The following TRPM7 variants were observed in gnomAD, a reference collection of about 807,000 sequenced individuals.
TRPM7 encodes the protein LTRPC ion channel family member 7.
TRPM7 carries 134 observed loss-of-function variants against 229.7 expected under a neutral mutation model. The observed-to-expected ratio is 0.58, with a 90% confidence interval of 0.51 to 0.67. The LOEUF (loss-of-function observed/expected upper bound fraction) is 0.67. Among genes scored for constraint, TRPM7 ranks in the 30% least tolerant of loss-of-function variants. The pLI, the probability that TRPM7 is intolerant of heterozygous loss-of-function variation, is 0.00. For missense variants in TRPM7, 1,901 were observed against 2,210.0 expected, an observed-to-expected ratio of 0.86 and a Z score of 2.80; for synonymous variants, 699 against 715.2, an observed-to-expected ratio of 0.98 and a Z score of 0.36.
In TRPM7 at chr15:50,609,581, C is replaced by A; in HGVS notation, c.2580G>T (p.Thr860=). The A allele has an allele frequency of 6.3e-7, 1 of 1,595,644 alleles. No individual in the cohort carries two copies. The highest frequency in any genetic ancestry group is 1.2e-5 in the South Asian group (1 of 86,694). The change falls in exon 19 of 39, where the codon ACG becomes ACT. Residue 860 remains threonine, a splice_region_variant and synonymous_variant. Transcript: ENST00000646667. ...ATGCTTGTGTAATTTAAAAACATAC[C>A]GTGTTAAACCAGAATTTTACAATTG... is the stretch of plus-strand genomic sequence containing the variant. The part of the protein sequence containing the change: ...HAPIVKFWFN[T]LAYLGFLMLY...
chr15:50,678,018 T>A (rs1195308050), intron 1 of TRPM7, among the ~76,000 whole-genome samples: 5 of 151,240 alleles, frequency 3.3e-5, no homozygotes, highest in African/African-American at 1.2e-4. Context: ...GGCGGGCGGA[T>A]CACGAGGTCA....
intron 5 of TRPM7, among the ~76,000 whole-genome samples, chr15:50,641,678 C>T (rs1411786575): frequency 1.3e-5 from 2 of 152,120 alleles, no homozygotes; most frequent in African/African-American, 4.8e-5. Flanking sequence ...TTAGCAGCCT[C>T]AAAAACTTCT....
intron 3 of TRPM7, among the ~76,000 whole-genome samples, chr15:50,655,454 AAC>A (rs1567093991): frequency 1.4e-5 from 2 of 144,264 alleles, no homozygotes; most frequent in Non-Finnish European, 1.6e-5. Flanking sequence ...AAAACAAAAA[AAC>A]AAAAAACCTT....
At chr15:50,636,694 T>C (rs1423560042) in intron 7 of TRPM7, among the ~76,000 whole-genome samples, 1 of 152,180 alleles carries the variant, frequency 6.6e-6, no homozygotes, top group Non-Finnish European at 1.5e-5. Flanking sequence ...GTCCCAGGAA[T>C]ACAATTTTTA....
chr15:50,615,299 C>T (rs1229198074), intron 13 of TRPM7, among the ~76,000 whole-genome samples: 1 of 151,618 alleles, frequency 6.6e-6, no homozygotes, highest in African/African-American at 2.4e-5. Context: ...CAGACTGGCC[C>T]AGAAATACAT....
Position 50,676,564 on chromosome 15 carries a change from T to A in TRPM7, c.3+9967A>T, listed in dbSNP as rs1360227282. Reference sequence around the variant, plus strand: ...CGAGACCTCATCTCTATCGTTTAAATTTTTTTTTTAATAAAAAGATAAAAA... The same window carrying A: ...CGAGACCTCATCTCTATCGTTTAAAATTTTTTTTTAATAAAAAGATAAAAA... On this transcript the variant is annotated intron_variant, in intron 1 of 38. Transcript: ENST00000646667. Among the ~76,000 whole-genome samples the A allele has an allele frequency of 4.7e-5, 7 of 150,054 alleles. No individual in the cohort carries two copies. In the East Asian group the frequency reaches 1.4e-3, roughly 29 times the overall value.
At position 50,643,299 on chromosome 15, in the gene TRPM7, T is replaced by C. The variant is rs560641589; in HGVS notation, c.535+41A>G. ...TGAGAGTCCGTCTCAAAAAAAAAAA[T>C]TAAAACACACTAAATAAAATTGGTA... On this transcript the variant is annotated intron_variant, in intron 5 of 38. Transcript: ENST00000646667. 5.4e-6 allele frequency: 8 copies of C among 1,479,402 alleles called. No homozygotes were observed. The South Asian group carries it at 8.3e-5, about 15-fold the overall frequency. The allele number at this position is 1,479,402 out of a possible 1,614,324, so 91.6% of individuals were successfully genotyped here. A position where few individuals can be genotyped will look rare whatever the true frequency, so the allele number is the denominator to read the frequency against.
At position 50,569,962 on chromosome 15, in the gene TRPM7, G is replaced by T; in HGVS notation, c.5392C>A (p.Leu1798Ile). 6.2e-7 allele frequency: 1 copy of T among 1,611,926 alleles called. No individual in the cohort carries two copies. The highest frequency in any genetic ancestry group is 8.5e-7 in the Non-Finnish European group (1 of 1,178,976). The change falls in exon 38 of 39, where the codon CTA becomes ATA. Residue 1798 changes from leucine (L) to isoleucine (I), a missense_variant. Physicochemically the swap from Leu to Ile is conservative, Grantham distance 5. Around this residue, in one of 8 missense-constraint regions of TRPM7, gnomAD observed 257 missense variants for 352.0 expected, o/e 0.73. Coordinates refer to ENST00000646667, the MANE Select transcript of TRPM7 (RefSeq NM_017672.6). Reference sequence around the variant, plus strand: ...AAGTTTTTAATTGCATCTTCTCCTAGATTTGCTGGGCCAAAAACCATATCA... The same window carrying T: ...AAGTTTTTAATTGCATCTTCTCCTATATTTGCTGGGCCAAAAACCATATCA... ...SCDMVFGPAN[L>I]GEDAIKNFRA... is the part of the protein sequence containing the mutation.
chr15:50,643,524 A>G lies in TRPM7; in HGVS notation c.351T>C (p.Pro117=). ...KYVRLSYDTK[P]EVILQLLLKE... is the part of the protein sequence containing the mutation. ...TAAGCAGAAGTTGCAGAATGACTTCAGGTTTGGTGTCATATGATAGCCTCA... is the reference window on the plus strand; with the variant it reads ...TAAGCAGAAGTTGCAGAATGACTTCGGGTTTGGTGTCATATGATAGCCTCA... The change falls in exon 5 of 39, where the codon CCT becomes CCC. Residue 117 remains proline (P), a synonymous_variant. Transcript: ENST00000646667. The G allele has an allele frequency of 6.2e-7, 1 of 1,614,166 alleles. No homozygotes were observed. Among genetic ancestry groups the G allele is most frequent in the Non-Finnish European group, 8.5e-7 (1 of 1,180,018 alleles).
chr15:50,610,081 G>A (rs2060027133), intron 17 of TRPM7, 120 bp from the exon 18 acceptor site: 3 of 741,760 alleles, frequency 4.0e-6, no homozygotes, highest in Non-Finnish European at 2.0e-6. Flanking sequence ...TAGCCATTTT[G>A]CCCCTAGCAG....
intron 16 of TRPM7, among the ~76,000 whole-genome samples, chr15:50,611,775 T>C (rs1376487176): frequency 1.3e-5 from 2 of 152,226 alleles, no homozygotes; most frequent in Non-Finnish European, 2.9e-5. Flanking sequence ...TAAAGAGTTA[T>C]TTTCAGTAAC....
intron 12 of TRPM7, 58 bp from the exon 13 acceptor site, chr15:50,619,856 T>G: frequency 7.0e-7 from 1 of 1,431,218 alleles, no homozygotes; most frequent in East Asian, 2.3e-5. Flanking sequence ...AATTTAAACC[T>G]TACAGGATTT....
intron 3 of TRPM7, 30 bp from the exon 4 acceptor site, chr15:50,648,915 C>T (rs1439624534): frequency 6.6e-7 from 1 of 1,520,222 alleles, no homozygotes; most frequent in Non-Finnish European, 8.9e-7. Flanking sequence ...TTAAAACACC[C>T]TTCAAAAAAT....
At position 50,592,377 on chromosome 15, in the gene TRPM7, A is replaced by T; in HGVS notation, c.3858T>A (p.Pro1286=). 5 of 1,614,192 alleles carry T rather than the reference A, an allele frequency of 3.1e-6. No homozygotes were observed. The highest frequency in any genetic ancestry group is 1.1e-5 in the South Asian group (1 of 91,084). The change falls in exon 26 of 39, where the codon CCT becomes CCA. Residue 1286 remains proline, a synonymous_variant. Transcript: ENST00000646667. ...CAACACCATGCTTTTTCCATACAGA[A>T]GGTCTTACAGGACCATCATCAATAA... ...QNLIDDGPVR[P]SVWKKHGVVN...
At chr15:50,685,918 A>C (rs1337517498) in intron 1 of TRPM7, among the ~76,000 whole-genome samples, 2 of 152,008 alleles carry the variant, frequency 1.3e-5, no homozygotes, top group Non-Finnish European at 2.9e-5. Flanking sequence ...CACCCACCAA[A>C]ATCCTTAATT....
At chr15:50,574,073 C>T (rs1207276316) in intron 36 of TRPM7, among the ~76,000 whole-genome samples, 1 of 132,628 alleles carries the variant, frequency 7.5e-6, no homozygotes, top group Non-Finnish European at 1.6e-5. Context: ...GGGGAGGGGG[C>T]GGGGGAACAA....
At chr15:50,570,240 TAAG>T in intron 36 of TRPM7, 85 bp from the exon 37 acceptor site, 5 of 961,166 alleles carry the variant, frequency 5.2e-6, no homozygotes, top group Non-Finnish European at 7.7e-6. Flanking sequence ...AAAATCATCT[TAAG>T]AGATGTTATA....
chr15:50,672,177 C>T (rs914445870), intron 1 of TRPM7, among the ~76,000 whole-genome samples: 12 of 152,058 alleles, frequency 7.9e-5, no homozygotes, highest in African/African-American at 2.9e-4. Flanking sequence ...CCTCAGCCTC[C>T]TGAGCAGCTG....
Position 50,592,500 on chromosome 15 carries a change from T to A in TRPM7, c.3735A>T (p.Thr1245=), listed in dbSNP as rs528127426. 1 of 1,614,142 alleles carries A rather than the reference T, an allele frequency of 6.2e-7. No individual in the cohort carries two copies. Among genetic ancestry groups the A allele is most frequent in the Admixed American group, 1.7e-5 (1 of 60,020 alleles). ...LQDLSALTVD[T]LKTLTAQKAS... ...CTTTCTGGGCAGTGAGTGTTTTTAA[T>A]GTATCTACCGTCAGGGCTGAAAGAT... The change falls in exon 26 of 39, where the codon ACA becomes ACT. Residue 1245 remains threonine (T), a synonymous_variant. Transcript: ENST00000646667.
Sources: gnomAD v4.1 joint callset for allele counts (sites outside exome capture counted in the v4.1 genomes callset) on GRCh38, gnomAD v4.1.1 for gene constraint, gnomAD v4.1.1 regional missense constraint, MANE v1.5 for transcripts, NCBI Gene and HGNC (gene_info 2026-07-23, HGNC 2026-07-21) for gene names.